STARD9: variants seen among roughly 807,000 people sequenced by gnomAD.
STARD9 encodes the protein stAR-related lipid transfer protein 9.
A neutral mutation model predicts 399.8 loss-of-function variants in STARD9; 346 were observed. That is an observed-to-expected ratio of 0.87 (90% CI 0.79 to 0.95). The LOEUF (loss-of-function observed/expected upper bound fraction) is 0.95. Ranked by LOEUF, STARD9 falls within the 40% of genes least tolerant of loss-of-function variation. The pLI is 0.00. For missense variants in STARD9, 5,832 were observed against 5,667.5 expected (o/e 1.03, Z -0.93); for synonymous variants, 2,203 against 2,143.5 (o/e 1.03, Z -0.77).
chr15:42,595,203 G>A (rs2058478809), intron 3 of STARD9, among the ~76,000 whole-genome samples: 1 of 152,142 alleles, frequency 6.6e-6, no homozygotes. Context: ...AAACTAAGGT[G>A]AGGAGGAATT....
Position 42,651,059 on chromosome 15 carries a change from A to G in STARD9, c.603A>G (p.Gln201=), listed in dbSNP as rs2059753378. ...HVVTNYKQVI[Q]LLEEGIANRI... The stretch of plus-strand genomic sequence containing the variant: ...TTACCAATTATAAGCAAGTAATCCA[A>G]CTCTTGGAGGAGGGAATTGCAAACA... Residue 201 remains glutamine, a synonymous_variant, in exon 8 of 33, where the codon CAA becomes CAG. Transcript: ENST00000290607. 6.5e-7 allele frequency: 1 copy of G among 1,534,968 alleles called. No homozygotes were observed. Among genetic ancestry groups the G allele is most frequent in the Non-Finnish European group, 8.7e-7 (1 of 1,145,386 alleles).
chr15:42,647,075 T>A (rs2059661133), intron 7 of STARD9, among the ~76,000 whole-genome samples: 1 of 152,190 alleles, frequency 6.6e-6, no homozygotes, highest in African/African-American at 2.4e-5. Flanking sequence ...ACATCAAAGA[T>A]TACTGGTCAC....
chr15:42,619,556 A>T (rs1406276704), intron 3 of STARD9, among the ~76,000 whole-genome samples: 1 of 151,518 alleles, frequency 6.6e-6, no homozygotes, highest in African/African-American at 2.4e-5. Flanking sequence ...TGTCTCAAAA[A>T]AAAAAAAAAA....
chr15:42,719,818 T>A lies in STARD9; in HGVS notation c.*244T>A. 2.1e-6 allele frequency: 1 copy of A among 469,406 alleles called. No individual in the cohort carries two copies. Among genetic ancestry groups the A allele is most frequent in the Non-Finnish European group, 3.8e-6 (1 of 264,354 alleles). 29.1% of individuals were successfully genotyped at this position (469,406 alleles called of 1,614,324 possible). On this transcript the variant is annotated 3_prime_UTR_variant, in exon 33 of 33. Coordinates refer to ENST00000290607, the MANE Select transcript of STARD9 (RefSeq NM_020759.3). ...CCTGGCCCAGACTATCCAGAGTGAATGCAGCTCCGCTCACCTTTTGGATTT... is the reference window on the plus strand; with the variant it reads ...CCTGGCCCAGACTATCCAGAGTGAAAGCAGCTCCGCTCACCTTTTGGATTT...
In STARD9 at chr15:42,687,467, C is replaced by T; in HGVS notation, c.5889C>T (p.Ala1963=). ...DRRVSSPVMV[A]QGGGPTPKWE... The stretch of plus-strand genomic sequence containing the variant: ...GAGTAAGCAGCCCAGTGATGGTGGC[C>T]CAGGGTGGTGGCCCAACCCCTAAGT... The change falls in exon 23 of 33, where the codon GCC becomes GCT. Residue 1963 remains alanine, a synonymous_variant. Coordinates refer to ENST00000290607, the MANE Select transcript of STARD9 (RefSeq NM_020759.3). 1 of 1,537,120 alleles carries T rather than the reference C, an allele frequency of 6.5e-7. No homozygotes were observed. The highest frequency in any genetic ancestry group is 8.7e-7 in the Non-Finnish European group (1 of 1,146,900).
intron 3 of STARD9, among the ~76,000 whole-genome samples, chr15:42,604,839 C>G (rs1448411355): frequency 1.3e-5 from 2 of 151,798 alleles, no homozygotes; most frequent in East Asian, 3.9e-4. Context: ...AACAAGGTCT[C>G]ACTATGTTGC....
chr15:42,700,360 T>C (rs2060939739), intron 26 of STARD9, among the ~76,000 whole-genome samples: 1 of 152,258 alleles, frequency 6.6e-6, no homozygotes, highest in South Asian at 2.1e-4. Flanking sequence ...CTTCATACTG[T>C]TTGCCATAAT....
chr15:42,706,977 C>T (rs2061102007), intron 26 of STARD9, among the ~76,000 whole-genome samples: 1 of 151,972 alleles, frequency 6.6e-6, no homozygotes, highest in Non-Finnish European at 1.5e-5. Context: ...ATATACTATT[C>T]TTTTAATGTG....
At chr15:42,712,088 T>TATATATA (rs2061241215) in intron 26 of STARD9, among the ~76,000 whole-genome samples, 2 of 1,100 alleles carry the variant, frequency 1.8e-3, no homozygotes, top group South Asian at 0.028. Flanking sequence ...ATATTATATA[T>TATATATA]ATATATATAA....
chr15:42,650,677 T>C (rs2059742625), intron 7 of STARD9, among the ~76,000 whole-genome samples: 1 of 152,158 alleles, frequency 6.6e-6, no homozygotes, highest in Non-Finnish European at 1.5e-5. Context: ...CTGGCCTACC[T>C]CAGGGACTTT....
chr15:42,606,763 A>G (rs1410078562), intron 3 of STARD9, among the ~76,000 whole-genome samples: 1 of 151,312 alleles, frequency 6.6e-6, no homozygotes, highest in Non-Finnish European at 1.5e-5. Flanking sequence ...CGCCCAGCCT[A>G]TTTTTAGTTT....
Position 42,689,935 on chromosome 15 carries a change from C to G in STARD9, c.8357C>G (p.Pro2786Arg), listed in dbSNP as rs1418081414. 13 of 1,537,640 alleles carry G rather than the reference C, an allele frequency of 8.5e-6. No homozygotes were observed. The highest frequency in any genetic ancestry group is 4.4e-6 in the Non-Finnish European group (5 of 1,146,998). ...GACAGCAGCCCAGAGCATCAGGAAC[C>G]CAGAACTCTAGACACCACATATGGA... ...SQDSSPEHQE[P>R]RTLDTTYGEV... Residue 2786 changes from proline to arginine, a missense_variant, in exon 23 of 33, where the codon CCC becomes CGC. This residue lies in a region of STARD9 where 5,828 missense variants were observed against 5,651.1 expected (regional missense o/e 1.03). Transcript: ENST00000290607.
chr15:42,692,499 GGCACACAGA>G lies in STARD9; in HGVS notation c.10922_10930del (p.Gly3641_Thr3644delinsAla), dbSNP rs1402715494. The stretch of plus-strand genomic sequence containing the variant: ...GACCAGGACGAACACATTCGAACAG[GGCACACAGA>G]CCCTCGGCAGCAGGCGCCACTGGAG... On this transcript the variant is annotated inframe_deletion, in exon 23 of 33. Transcript: ENST00000290607. 1 of 1,537,150 alleles carries G rather than the reference GGCACACAGA, an allele frequency of 6.5e-7. No individual in the cohort carries two copies. Among genetic ancestry groups the G allele is most frequent in the African/African-American group, 1.4e-5 (1 of 73,172 alleles).
At chr15:42,637,492 G>A (rs954895078) in intron 4 of STARD9, among the ~76,000 whole-genome samples, 40 of 152,206 alleles carry the variant, frequency 2.6e-4, no homozygotes, top group Non-Finnish European at 1.0e-4. Flanking sequence ...TGGGATTACA[G>A]GGGTGAGCCA....
At chr15:42,601,059 GGTGATGACTCTTAAC>G (rs1346222967) in intron 3 of STARD9, among the ~76,000 whole-genome samples, 1 of 151,738 alleles carries the variant, frequency 6.6e-6, no homozygotes, top group Non-Finnish European at 1.5e-5. Flanking sequence ...ATTAGGGAGT[GGTGATGACTCTTAAC>G]GAGTATGCTG....
intron 3 of STARD9, among the ~76,000 whole-genome samples, chr15:42,590,840 C>G (rs1749159456): frequency 1.3e-5 from 2 of 152,148 alleles, no homozygotes; most frequent in Admixed American, 1.3e-4. Flanking sequence ...CAAGAACGCA[C>G]TCATTACTGT....
intron 3 of STARD9, among the ~76,000 whole-genome samples, chr15:42,614,951 C>T (rs558842369): frequency 8.0e-5 from 12 of 150,726 alleles, no homozygotes; most frequent in African/African-American, 1.5e-4. Context: ...GGTGACAGAG[C>T]GAGACTCCGT....
Position 42,668,158 on chromosome 15 carries a change from T to G in STARD9, c.1318-1000T>G, listed in dbSNP as rs2060139155. On this transcript the variant is annotated intron_variant, in intron 15 of 32. Transcript: ENST00000290607. ...GGCCAGAGGGGCAGCTGTGCCAGGTTGGCTGAACTGTAAGCCAGAGTGTCC... is the reference window on the plus strand; with the variant it reads ...GGCCAGAGGGGCAGCTGTGCCAGGTGGGCTGAACTGTAAGCCAGAGTGTCC... Among the ~76,000 whole-genome samples, 3 of 152,184 alleles carry G rather than the reference T, an allele frequency of 2.0e-5. No homozygotes were observed. In the South Asian group the frequency reaches 6.2e-4, roughly 31 times the overall value.
In STARD9 at chr15:42,637,951, C is replaced by A; in HGVS notation, c.384+12C>A. 1 of 1,537,290 alleles carries A rather than the reference C, an allele frequency of 6.5e-7. No individual in the cohort carries two copies. Among genetic ancestry groups the A allele is most frequent in the Non-Finnish European group, 8.7e-7 (1 of 1,146,914 alleles). On this transcript the variant is annotated intron_variant, in intron 5 of 32. Coordinates refer to ENST00000290607, the MANE Select transcript of STARD9 (RefSeq NM_020759.3). The stretch of plus-strand genomic sequence containing the variant: ...CACGGATATGTGAGGTATAGACTAT[C>A]TTTTGGCTGGATCCTCTCAAAGTAG...
Sources: gnomAD v4.1 joint callset for allele counts (sites outside exome capture counted in the v4.1 genomes callset) on GRCh38, gnomAD v4.1.1 for gene constraint, gnomAD v4.1.1 regional missense constraint, MANE v1.5 for transcripts, NCBI Gene and HGNC (gene_info 2026-07-23, HGNC 2026-07-21) for gene names.